The following CDH13 variants were observed in gnomAD, a reference collection of about 807,000 sequenced individuals.
CDH13 encodes cadherin 13.
A neutral mutation model predicts 63.8 loss-of-function variants in CDH13; 24 were observed. The observed-to-expected ratio is 0.38, with a 90% CI of 0.27 to 0.53. CDH13 has a LOEUF of 0.53. Among genes scored for constraint, CDH13 ranks in the 20% least tolerant of loss-of-function variants. The pLI, the probability that CDH13 is intolerant of heterozygous loss-of-function variation, is 0.85. For missense variants in CDH13, 1,049 were observed against 903.1 expected (o/e 1.16, Z -2.07); for synonymous variants, 503 against 355.3 (o/e 1.42, Z -4.67).
intron 1 of CDH13, among the ~76,000 whole-genome samples, chr16:82,724,375 G>T (rs1473999681): frequency 6.6e-6 from 1 of 152,146 alleles, no homozygotes; most frequent in Non-Finnish European, 1.5e-5. Context: ...CAGGTGCCAT[G>T]CTATTGATAT....
chr16:83,586,146 G>C (rs568456387), intron 7 of CDH13, among the ~76,000 whole-genome samples: 3 of 149,286 alleles, frequency 2.0e-5, no homozygotes, highest in East Asian at 3.9e-4. Flanking sequence ...AGTGGAGCCC[G>C]GATGAACTGG....
At chr16:83,088,451 G>T (rs75145628) in intron 3 of CDH13, among the ~76,000 whole-genome samples, 1 of 152,066 alleles carries the variant, frequency 6.6e-6, no homozygotes, top group East Asian at 1.9e-4. Flanking sequence ...GTTGCCCACC[G>T]AACCACAGAA....
At chr16:82,946,952 A>T (rs947012938) in intron 2 of CDH13, among the ~76,000 whole-genome samples, 9 of 151,944 alleles carry the variant, frequency 5.9e-5, no homozygotes, top group Admixed American at 5.9e-4. Flanking sequence ...GGATACATAC[A>T]ATCAAATTGT....
intron 5 of CDH13, among the ~76,000 whole-genome samples, chr16:83,222,317 C>T (rs183637506): frequency 1.3e-5 from 2 of 152,134 alleles, no homozygotes; most frequent in Admixed American, 6.5e-5. Context: ...GGTATCCTTG[C>T]TCATATATTT....
chr16:82,921,918 T>TTTA (rs1256400681), intron 2 of CDH13, among the ~76,000 whole-genome samples: 6 of 152,220 alleles, frequency 3.9e-5, no homozygotes, highest in African/African-American at 9.6e-5. Context: ...ACTGATTCAA[T>TTTA]TTATTATTAT....
chr16:82,816,757 T>C (rs557320866), intron 1 of CDH13, among the ~76,000 whole-genome samples: 1 of 138,380 alleles, frequency 7.2e-6, no homozygotes, highest in South Asian at 2.3e-4. Flanking sequence ...TTAGATGTTT[T>C]ATCATCACCG....
intron 1 of CDH13, 138 bp from the exon 2 acceptor site, chr16:82,858,224 A>G (rs2039782294): frequency 1.6e-6 from 1 of 607,228 alleles, no homozygotes; most frequent in African/African-American, 1.9e-5. Context: ...CAGCCACTGG[A>G]GAAGTTTCAA....
intron 1 of CDH13, among the ~76,000 whole-genome samples, chr16:82,701,618 T>C (rs75696660): frequency 6.6e-6 from 1 of 152,210 alleles, no homozygotes; most frequent in Admixed American, 6.5e-5. Flanking sequence ...CCTTTTTTTT[T>C]GGCTGTGCTC....
intron 6 of CDH13, among the ~76,000 whole-genome samples, chr16:83,436,273 T>A (rs567799393): frequency 1.2e-4 from 18 of 152,364 alleles, no homozygotes; most frequent in African/African-American, 4.3e-4. Flanking sequence ...GCAATTTCGC[T>A]ACATATGTTT....
chr16:83,618,591 G>A (rs868371905), intron 8 of CDH13, among the ~76,000 whole-genome samples: 9 of 152,162 alleles, frequency 5.9e-5, no homozygotes, highest in Middle Eastern at 3.4e-3. Flanking sequence ...CACTAACATA[G>A]CAAGTCACAG....
chr16:83,293,538 A>G (rs959337581), intron 5 of CDH13, among the ~76,000 whole-genome samples: 2 of 152,218 alleles, frequency 1.3e-5, no homozygotes, highest in Non-Finnish European at 2.9e-5. Context: ...TTATAGACTC[A>G]GAAGCTTGAT....
chr16:82,915,234 G>C (rs1266558658), intron 2 of CDH13, among the ~76,000 whole-genome samples: 1 of 152,162 alleles, frequency 6.6e-6, no homozygotes, highest in African/African-American at 2.4e-5. Context: ...AATCAAGGCG[G>C]TCTTAGGATA....
chr16:83,523,034 A>G (rs187442362), intron 7 of CDH13, among the ~76,000 whole-genome samples: 1 of 152,260 alleles, frequency 6.6e-6, no homozygotes, highest in Admixed American at 6.5e-5. Flanking sequence ...AGTTCTGCTG[A>G]AATGTCACTT....
intron 1 of CDH13, among the ~76,000 whole-genome samples, chr16:82,858,143 A>C (rs1304553728): frequency 6.6e-6 from 1 of 152,236 alleles, no homozygotes; most frequent in African/African-American, 2.4e-5. Flanking sequence ...TTTAACTGCA[A>C]TTTAATGGAA....
At chr16:83,104,355 G>T (rs1022994618) in intron 3 of CDH13, among the ~76,000 whole-genome samples, 4 of 152,148 alleles carry the variant, frequency 2.6e-5, no homozygotes, top group African/African-American at 9.7e-5. Flanking sequence ...AAACTGCATG[G>T]TGTGGAATAG....
intron 1 of CDH13, among the ~76,000 whole-genome samples, chr16:82,675,761 C>T (rs1054915503): frequency 6.6e-5 from 10 of 152,128 alleles, no homozygotes; most frequent in African/African-American, 1.9e-4. Flanking sequence ...TCTATATATC[C>T]AGTCCAGCCT....
chr16:83,053,477 A>T (rs181544526), intron 3 of CDH13, among the ~76,000 whole-genome samples: 74 of 152,326 alleles, frequency 4.9e-4, no homozygotes, highest in African/African-American at 1.7e-3. Context: ...AAAGTGAAGT[A>T]TAGGAGAAGC....
At chr16:82,775,449 C>T (rs1193980516) in intron 1 of CDH13, among the ~76,000 whole-genome samples, 2 of 152,176 alleles carry the variant, frequency 1.3e-5, no homozygotes, top group Non-Finnish European at 2.9e-5. Context: ...TGGGATCACA[C>T]TCACCCCATA....
chr16:82,924,096 A>G (rs1289102076), intron 2 of CDH13, among the ~76,000 whole-genome samples: 1 of 152,240 alleles, frequency 6.6e-6, no homozygotes, highest in African/African-American at 2.4e-5. Context: ...CCAATTAAAT[A>G]ACTGGTATAT....
Sources: gnomAD v4.1 joint callset for allele counts (sites outside exome capture counted in the v4.1 genomes callset) on GRCh38, gnomAD v4.1.1 for gene constraint, MANE v1.5 for transcripts, NCBI Gene and HGNC (gene_info 2026-07-23, HGNC 2026-07-21) for gene names.